PARD3B: variants seen among roughly 807,000 people sequenced by gnomAD.
The protein encoded by PARD3B is par-3 family cell polarity regulator beta.
A neutral mutation model predicts 130.2 loss-of-function variants in PARD3B; 103 were observed. That is an observed-to-expected ratio of 0.79 (90% CI 0.67 to 0.93). The LOEUF (loss-of-function observed/expected upper bound fraction) is 0.93. Among genes scored for constraint, PARD3B ranks in the 40% least tolerant of loss-of-function variants. The pLI is 0.00. For missense variants in PARD3B, 1,609 were observed against 1,499.2 expected (o/e 1.07, Z -1.21); for synonymous variants, 583 against 553.2 (o/e 1.05, Z -0.76).
chr2:204,797,158 G>A (rs1274587200), intron 2 of PARD3B, among the ~76,000 whole-genome samples: 1 of 131,892 alleles, frequency 7.6e-6, no homozygotes, highest in Non-Finnish European at 1.5e-5. Context: ...CTGAGAGACA[G>A]AGCGAGACTC....
intron 1 of PARD3B, among the ~76,000 whole-genome samples, chr2:204,672,853 C>A (rs915617591): frequency 6.6e-6 from 1 of 152,164 alleles, no homozygotes; most frequent in Non-Finnish European, 1.5e-5. Flanking sequence ...TAATCACAGG[C>A]GCTGTTTATT....
At chr2:205,523,205 C>CCA (rs1458787371) in intron 21 of PARD3B, among the ~76,000 whole-genome samples, 3 of 60,850 alleles carry the variant, frequency 4.9e-5, no homozygotes, top group Non-Finnish European at 1.2e-4. Flanking sequence ...CCCCCGTGTA[C>CCA]TATATGTGTG....
At chr2:204,948,255 G>A (rs765564200) in intron 2 of PARD3B, among the ~76,000 whole-genome samples, 1 of 152,188 alleles carries the variant, frequency 6.6e-6, no homozygotes, top group Non-Finnish European at 1.5e-5. Context: ...TAAAAAGGCA[G>A]CCAGACCTGT....
chr2:205,205,756 T>C (rs2037256202), intron 15 of PARD3B, among the ~76,000 whole-genome samples: 2 of 152,346 alleles, frequency 1.3e-5, no homozygotes, highest in Middle Eastern at 6.8e-3. Context: ...ATTAATTGAT[T>C]TGCGTATGTT....
chr2:205,579,557 C>T (rs985476441), intron 22 of PARD3B, among the ~76,000 whole-genome samples: 2 of 152,176 alleles, frequency 1.3e-5, no homozygotes, highest in African/African-American at 4.8e-5. Context: ...CCCCAGCAGA[C>T]GTGGTATCCA....
chr2:204,698,222 G>T (rs1304883259), intron 2 of PARD3B, among the ~76,000 whole-genome samples: 1 of 152,046 alleles, frequency 6.6e-6, no homozygotes. Flanking sequence ...AGAAGCTTAG[G>T]CTCTATTTTT....
intron 2 of PARD3B, among the ~76,000 whole-genome samples, chr2:204,812,344 A>C (rs539048538): frequency 6.6e-6 from 1 of 152,164 alleles, no homozygotes; most frequent in African/African-American, 2.4e-5. Context: ...CAGGGGCATA[A>C]GGCAGAGTGA....
chr2:205,071,990 T>C (rs1323207018), intron 4 of PARD3B, among the ~76,000 whole-genome samples: 5 of 152,200 alleles, frequency 3.3e-5, no homozygotes, highest in African/African-American at 1.2e-4. Context: ...AATTAGCTTT[T>C]TTTTAAAAGC....
chr2:204,798,261 T>C (rs935140506), intron 2 of PARD3B, among the ~76,000 whole-genome samples: 5 of 152,016 alleles, frequency 3.3e-5, no homozygotes, highest in African/African-American at 1.2e-4. Context: ...CGCGGTTCCT[T>C]TGGGACTTGG....
In PARD3B at chr2:205,321,207, T is replaced by C. The variant is rs1282577689; in HGVS notation, c.2630+19506T>C. 6.6e-6 allele frequency among the ~76,000 whole-genome samples: 1 copy of C among 152,216 alleles called. No individual in the cohort carries two copies. Among genetic ancestry groups the C allele is most frequent in the Non-Finnish European group, 1.5e-5 (1 of 68,024 alleles). ...ATTAAACAATAAAAGTGTTTGAGTA[T>C]TGATTGTTGATTTACAAGATTGAAG... On this transcript the variant is annotated intron_variant, in intron 18 of 22. Coordinates refer to ENST00000406610, the MANE Select transcript of PARD3B (RefSeq NM_001302769.2). The surrounding 1 kb of genome is among the most constrained non-coding windows in gnomAD (Gnocchi z 4.2).
intron 21 of PARD3B, among the ~76,000 whole-genome samples, chr2:205,538,773 A>G (rs1030339203): frequency 1.3e-5 from 2 of 152,102 alleles, no homozygotes; most frequent in Non-Finnish European, 2.9e-5. Context: ...ATCCTCTCCA[A>G]GTGTTTTTGT....
intron 22 of PARD3B, among the ~76,000 whole-genome samples, chr2:205,581,883 T>C (rs2054003850): frequency 6.6e-6 from 1 of 152,196 alleles, no homozygotes; most frequent in South Asian, 2.1e-4. Context: ...GTGGCAACGT[T>C]TGTGGATGGG....
chr2:205,082,799 A>C (rs926187571), intron 4 of PARD3B, among the ~76,000 whole-genome samples: 4 of 152,188 alleles, frequency 2.6e-5, no homozygotes, highest in African/African-American at 4.8e-5. Flanking sequence ...CAGGCCAATA[A>C]ATTTGAAGCC....
chr2:205,487,096 A>G (rs181232939), intron 20 of PARD3B, among the ~76,000 whole-genome samples: 2 of 152,198 alleles, frequency 1.3e-5, no homozygotes, highest in Admixed American at 1.3e-4. Context: ...ATGGTCACTT[A>G]CCTATGTGAC....
At chr2:205,339,136 CAA>C (rs1409608765) in intron 18 of PARD3B, among the ~76,000 whole-genome samples, 3 of 152,028 alleles carry the variant, frequency 2.0e-5, no homozygotes, top group Non-Finnish European at 2.9e-5. Context: ...AATGATAACT[CAA>C]GTTTATATAG....
At chr2:205,610,499 C>T (rs1031649801) in intron 22 of PARD3B, among the ~76,000 whole-genome samples, 1 of 152,070 alleles carries the variant, frequency 6.6e-6, no homozygotes, top group African/African-American at 2.4e-5. Context: ...CCTAGTAAGC[C>T]CAGTTTCCAG....
At chr2:204,824,397 T>C (rs987313437) in intron 2 of PARD3B, among the ~76,000 whole-genome samples, 6 of 152,202 alleles carry the variant, frequency 3.9e-5, no homozygotes, top group African/African-American at 1.4e-4. Flanking sequence ...CTCTGCTTGC[T>C]AGTTCTGGGA....
At chr2:204,944,107 C>T (rs759563109) in intron 2 of PARD3B, among the ~76,000 whole-genome samples, 5 of 152,116 alleles carry the variant, frequency 3.3e-5, no homozygotes, top group Admixed American at 6.5e-5. Context: ...AAACTGGTGG[C>T]ACAAATTCAA....
intron 1 of PARD3B, among the ~76,000 whole-genome samples, chr2:204,594,528 C>T (rs948450035): frequency 1.3e-5 from 2 of 152,140 alleles, no homozygotes; most frequent in Non-Finnish European, 2.9e-5. Context: ...CAAGATCAAA[C>T]GTCTAGAAAA....
Sources: allele counts gnomAD v4.1 joint callset (sites outside exome capture counted in the v4.1 genomes callset), GRCh38; gene constraint gnomAD v4.1.1; non-coding constraint Gnocchi (gnomAD v3.1); transcripts MANE v1.5; gene names NCBI Gene and HGNC (gene_info 2026-07-23, HGNC 2026-07-21).